The following WDR11 variants were observed in gnomAD, a reference collection of about 807,000 sequenced individuals.
The protein encoded by WDR11 is WD repeat domain 11.
A neutral mutation model predicts 151.2 loss-of-function variants in WDR11; 83 were observed. That is an observed-to-expected ratio of 0.55 (90% CI 0.46 to 0.66). The LOEUF is 0.66. Among genes scored for constraint, WDR11 ranks in the 30% least tolerant of loss-of-function variants. The probability of loss-of-function intolerance (pLI) is 0.00; values close to 1 mark genes in which losing one functional copy is unlikely to be tolerated. For synonymous variants in WDR11, 484 were observed against 533.1 expected (o/e 0.91, Z 1.27); for missense variants, 1,301 against 1,480.9 (o/e 0.88, Z 1.99).
intron 12 of WDR11, chr10:120,879,868 A>C (rs1435323972): frequency 6.6e-6 from 1 of 152,250 alleles, no homozygotes; most frequent in Admixed American, 6.5e-5. Context: ...AAAATCTAAC[A>C]CAAGATACTA....
chr10:120,873,364 A>G (rs925569291), intron 10 of WDR11, among the ~76,000 whole-genome samples: 1 of 152,232 alleles, frequency 6.6e-6, no homozygotes, highest in African/African-American at 2.4e-5. Context: ...GTTAACCATT[A>G]TACTTTACTC....
At position 120,867,057 on chromosome 10, in the gene WDR11, T is replaced by C. The variant is rs754177190; in HGVS notation, c.1191-9T>C. The C allele has an allele frequency of 6.2e-7, 1 of 1,604,858 alleles. No homozygotes were observed. Among genetic ancestry groups the C allele is most frequent in the Non-Finnish European group, 8.5e-7 (1 of 1,171,808 alleles). ...TATGTAAAACCTTCTAATTATTATG[T>C]CTTTGCAGTAGTTCTGGTGTGTCAC... is the stretch of plus-strand genomic sequence containing the variant. On this transcript the variant is annotated splice_polypyrimidine_tract_variant and intron_variant, in intron 8 of 28. Transcript: ENST00000263461.
rs1848177214 is a variant in WDR11 at position 120,908,833 on chromosome 10, C to T, written c.*120C>T. ...TACAGGGTCCTGTGAGCTGTTTGAC[C>T]ACTGTTCTAAGACTATGTGTGCCCA... On this transcript the variant is annotated 3_prime_UTR_variant, in exon 29 of 29. Coordinates refer to ENST00000263461, the MANE Select transcript of WDR11 (RefSeq NM_018117.12). 1 of 1,120,648 alleles carries T rather than the reference C, an allele frequency of 8.9e-7. No homozygotes were observed. The highest frequency in any genetic ancestry group is 1.7e-5 in the African/African-American group (1 of 57,878). 69.4% of individuals were successfully genotyped at this position (1,120,648 alleles called of 1,614,324 possible).
intron 2 of WDR11, among the ~76,000 whole-genome samples, chr10:120,856,962 TGATCAATA>T (rs1398675611): frequency 6.6e-6 from 1 of 152,174 alleles, no homozygotes; most frequent in Non-Finnish European, 1.5e-5. Context: ...TTTCATCAAC[TGATCAATA>T]GATAACCTTG....
At chr10:120,866,522 G>A in intron 7 of WDR11, 47 bp from the exon 8 acceptor site, 1 of 1,603,536 alleles carries the variant, frequency 6.2e-7, no homozygotes, top group Non-Finnish European at 8.5e-7. Flanking sequence ...AACAGTAGTG[G>A]TATCGATATG....
In WDR11 at chr10:120,905,949, A is replaced by G. The variant is rs1440785992; in HGVS notation, c.3365A>G (p.Asn1122Ser). ...GACCACCTTTGTTCTCCACAAGTCA[A>G]TCAGAAATCAAAGGCTCTCCTGGTT... is the stretch of plus-strand genomic sequence containing the variant. ...WVDHLCSPQV[N>S]QKSKALLVLL... The change falls in exon 27 of 29, where the codon AAT becomes AGT. Residue 1122 changes from asparagine to serine, a missense_variant. Physicochemically the swap from Asn to Ser is conservative, Grantham distance 46. Coordinates refer to ENST00000263461, the MANE Select transcript of WDR11 (RefSeq NM_018117.12). 1 of 1,614,138 alleles carries G rather than the reference A, an allele frequency of 6.2e-7. No homozygotes were observed. Among genetic ancestry groups the G allele is most frequent in the Non-Finnish European group, 8.5e-7 (1 of 1,180,026 alleles).
chr10:120,863,062 T>C (rs1846194013), intron 5 of WDR11, 141 bp downstream of exon 5: 6 of 658,244 alleles, frequency 9.1e-6, no homozygotes, highest in Middle Eastern at 8.2e-4. Flanking sequence ...GAAAAAAATA[T>C]TTATTTTTGT....
intron 10 of WDR11, among the ~76,000 whole-genome samples, chr10:120,873,055 G>A (rs1014992320): frequency 6.6e-6 from 1 of 152,070 alleles, no homozygotes; most frequent in African/African-American, 2.4e-5. Context: ...GTATGTCCGT[G>A]TCCTTTACAT....
At chr10:120,882,997 T>C (rs562093437) in intron 13 of WDR11, among the ~76,000 whole-genome samples, 1 of 152,310 alleles carries the variant, frequency 6.6e-6, no homozygotes, top group East Asian at 1.9e-4. Flanking sequence ...ATTTTTGTTA[T>C]GGTTATATGT....
intron 19 of WDR11, among the ~76,000 whole-genome samples, chr10:120,893,938 G>A (rs1175546304): frequency 6.6e-6 from 1 of 152,054 alleles, no homozygotes; most frequent in Non-Finnish European, 1.5e-5. Flanking sequence ...TGAGTAGGTT[G>A]CAAAATTTTT....
At chr10:120,876,485 A>C (rs898492223) in intron 11 of WDR11, among the ~76,000 whole-genome samples, 40 of 152,184 alleles carry the variant, frequency 2.6e-4, no homozygotes, top group Non-Finnish European at 4.4e-4. Context: ...TTTGAGGTGC[A>C]GTGACACAGG....
chr10:120,878,238 TTTAA>T (rs1258804865), intron 11 of WDR11, 111 bp from the exon 12 acceptor site: 9 of 775,404 alleles, frequency 1.2e-5, no homozygotes, highest in African/African-American at 3.5e-5. Context: ...ATGCTTACTT[TTTAA>T]TTAATTTGTG....
In WDR11 at chr10:120,851,467, C is replaced by T. The variant is rs1845768292; in HGVS notation, c.47C>T (p.Thr16Met). 1.2e-6 allele frequency: 2 copies of T among 1,612,210 alleles called. No homozygotes were observed. The highest frequency in any genetic ancestry group is 1.3e-5 in the African/African-American group (1 of 74,918). Residue 16 changes from threonine to methionine, a missense_variant, in exon 1 of 29, where the codon ACG (threonine) becomes ATG (methionine). Around this residue, in one of 3 missense-constraint regions of WDR11, gnomAD observed 692 missense variants for 762.5 expected, o/e 0.91. Transcript: ENST00000263461. Reference protein sequence around the residue: ...VNFKVSARTLTGALNAHNKAA... With the variant: ...VNFKVSARTLMGALNAHNKAA... ...TTCAAGGTGTCGGCGCGCACCCTCACGGGGGCCCTCAACGCCCACAACAAG... is the reference window on the plus strand; with the variant it reads ...TTCAAGGTGTCGGCGCGCACCCTCATGGGGGCCCTCAACGCCCACAACAAG...
At position 120,905,311 on chromosome 10, in the gene WDR11, T is replaced by G; in HGVS notation, c.3194-8T>G. 1 of 1,613,934 alleles carries G rather than the reference T, an allele frequency of 6.2e-7. No individual in the cohort carries two copies. The highest frequency in any genetic ancestry group is 8.5e-7 in the Non-Finnish European group (1 of 1,179,994). The stretch of plus-strand genomic sequence containing the variant: ...TGTCACTTAAGGGGATGCGCTTTTG[T>G]CTTTCAGAGGGCGTTCAGTTGCTCT... On this transcript the variant is annotated splice_region_variant and splice_polypyrimidine_tract_variant and intron_variant, in intron 25 of 28. Transcript: ENST00000263461.
At chr10:120,898,296 A>T (rs2133805378) in intron 19 of WDR11, among the ~76,000 whole-genome samples, 1 of 152,326 alleles carries the variant, frequency 6.6e-6, no homozygotes, top group Admixed American at 6.5e-5. Flanking sequence ...CAGCACAAAC[A>T]GTTAAGCTCT....
At position 120,908,872 on chromosome 10, in the gene WDR11, ATCTATGT is replaced by A. The variant is rs1487420747; in HGVS notation, c.*161_*167del. Reference sequence around the variant, plus strand: ...TATGTGTGCCCAAAAGCACATAAGCATCTATGTTGAGAGTAAGTTTGTATCCTGCGTT... The same window carrying A: ...TATGTGTGCCCAAAAGCACATAAGCATGAGAGTAAGTTTGTATCCTGCGTT... On this transcript the variant is annotated 3_prime_UTR_variant, in exon 29 of 29. Coordinates refer to ENST00000263461, the MANE Select transcript of WDR11 (RefSeq NM_018117.12). 6.6e-6 allele frequency: 5 copies of A among 754,970 alleles called. No homozygotes were observed. The highest frequency in any genetic ancestry group is 1.1e-5 in the Non-Finnish European group (5 of 442,698). 46.8% of individuals were successfully genotyped at this position (754,970 alleles called of 1,614,324 possible). A position where few individuals can be genotyped will look rare whatever the true frequency, so the allele number is the denominator to read the frequency against.
At position 120,906,785 on chromosome 10, in the gene WDR11, C is replaced by A; in HGVS notation, c.3447C>A (p.Tyr1149Ter). 6.2e-7 allele frequency: 1 copy of A among 1,614,138 alleles called. No individual in the cohort carries two copies. The highest frequency in any genetic ancestry group is 8.5e-7 in the Non-Finnish European group (1 of 1,180,022). ...TTGTTCTGTTGAGCAGCATGAGATA[C>A]TTTGATAGAGCAGCCTTATTTGTGG... Reference protein sequence around the residue: ...SVAETLHSMRYFDRAALFVEA... With the variant: ...SVAETLHSMR The change falls in exon 28 of 29, where the codon TAC becomes TAA. Residue 1149 changes from tyrosine to a stop codon, truncating the protein, a stop_gained. Coordinates refer to ENST00000263461, the MANE Select transcript of WDR11 (RefSeq NM_018117.12). LOFTEE classifies it high-confidence loss of function.
rs141875304 is a variant in WDR11 at position 120,881,434 on chromosome 10, C to T, written c.1739+533C>T. On this transcript the variant is annotated intron_variant, in intron 13 of 28. Transcript: ENST00000263461. ...ACTATCAGTTTTATCAAAAAATCTT[C>T]CTGAGATTTTGATTGGGATTGCATT... is the stretch of plus-strand genomic sequence containing the variant. Among the ~76,000 whole-genome samples, 30 of 152,144 alleles carry T rather than the reference C, an allele frequency of 2.0e-4. 2 individuals are homozygous for T. The East Asian group carries it at 5.8e-3, about 29-fold the overall frequency.
At chr10:120,856,679 G>A (rs886226023) in intron 2 of WDR11, among the ~76,000 whole-genome samples, 2 of 149,998 alleles carry the variant, frequency 1.3e-5, no homozygotes, top group East Asian at 1.9e-4. Flanking sequence ...TTTTTCCTCC[G>A]ATTATCTTCA....
Sources: gnomAD v4.1 joint callset for allele counts (sites outside exome capture counted in the v4.1 genomes callset) on GRCh38, gnomAD v4.1.1 for gene constraint, gnomAD v4.1.1 regional missense constraint, MANE v1.5 for transcripts, NCBI Gene and HGNC (gene_info 2026-07-23, HGNC 2026-07-21) for gene names.